Variants in DPP6 observed in about 807,000 individuals in gnomAD.
DPP6 encodes the protein dipeptidyl peptidase like 6.
In DPP6, 69 loss-of-function variants were observed where a neutral mutation model predicts 122.6. The observed-to-expected ratio is 0.56, with a 90% CI of 0.46 to 0.69. DPP6 has a LOEUF of 0.69. Among genes scored for constraint, DPP6 ranks in the 30% least tolerant of loss-of-function variants. DPP6 has a pLI of 0.00. For synonymous variants in DPP6, 418 were observed against 433.1 expected, an observed-to-expected ratio of 0.97 and a Z score of 0.43; for missense variants, 928 against 1,116.9, an observed-to-expected ratio of 0.83 and a Z score of 2.41.
At chr7:154,629,795 A>C (rs1009956638) in intron 5 of DPP6, among the ~76,000 whole-genome samples, 3 of 152,162 alleles carry the variant, frequency 2.0e-5, no homozygotes, top group African/African-American at 4.8e-5. Flanking sequence ...CCATCCTCAT[A>C]CATGCTCTAA....
chr7:154,031,687 G>T (rs1180548585), intron 1 of DPP6, among the ~76,000 whole-genome samples: 1 of 151,890 alleles, frequency 6.6e-6, no homozygotes, highest in Non-Finnish European at 1.5e-5. Flanking sequence ...TCATTCAGGG[G>T]CACGACCTAA....
intron 1 of DPP6, among the ~76,000 whole-genome samples, chr7:154,028,605 G>C (rs1585198935): frequency 1.3e-5 from 2 of 151,718 alleles, no homozygotes; most frequent in Admixed American, 1.3e-4. Flanking sequence ...TTGATAGAAA[G>C]GATCCCTGTG....
chr7:153,808,126 A>G, the DPP6 span, among the ~76,000 whole-genome samples: 10 of 152,160 alleles, frequency 6.6e-5, no homozygotes, highest in Admixed American at 2.6e-4. Context: ...TGATAAACAC[A>G]TTGTGAAATG....
intron 5 of DPP6, among the ~76,000 whole-genome samples, chr7:154,579,952 G>C (rs2130655400): frequency 6.6e-6 from 1 of 152,134 alleles, no homozygotes; most frequent in Admixed American, 6.5e-5. Flanking sequence ...AAAAGAGAGA[G>C]CACAGAAGAG....
At chr7:154,698,302 A>AG (rs1319736321) in intron 7 of DPP6, among the ~76,000 whole-genome samples, 10 of 152,100 alleles carry the variant, frequency 6.6e-5, no homozygotes, top group Non-Finnish European at 1.2e-4. Flanking sequence ...GACCATGTAT[A>AG]ATATTCCCTG....
intron 3 of DPP6, among the ~76,000 whole-genome samples, chr7:154,501,473 G>A (rs868593530): frequency 6.6e-6 from 1 of 152,272 alleles, no homozygotes; most frequent in Middle Eastern, 3.4e-3. Flanking sequence ...TGCAGCCTAG[G>A]GACTTGGTGC....
chr7:154,733,153 C>G (rs1372650596), intron 8 of DPP6, among the ~76,000 whole-genome samples: 1 of 152,260 alleles, frequency 6.6e-6, no homozygotes, highest in East Asian at 1.9e-4. Context: ...TAACTGCCAC[C>G]TTCACTGGGT....
Position 154,510,043 on chromosome 7 carries a change from G to A in DPP6, c.458-30489G>A, listed in dbSNP as rs143017763. 6.6e-3 allele frequency among the ~76,000 whole-genome samples: 1,011 copies of A among 152,238 alleles called. 11 individuals are homozygous for A. Among genetic ancestry groups the A allele is most frequent in the African/African-American group, 0.022 (915 of 41,534 alleles). ...GGTGGGTGCACATGTCTGTGAATAC[G>A]TTAAAGACCATTAAATTGTGCACTT... On this transcript the variant is annotated intron_variant, in intron 3 of 25. Coordinates refer to ENST00000377770, the MANE Select transcript of DPP6 (RefSeq NM_130797.4).
At chr7:153,854,221 A>C in the DPP6 span, among the ~76,000 whole-genome samples, 1 of 151,728 alleles carries the variant, frequency 6.6e-6, no homozygotes, top group Non-Finnish European at 1.5e-5. Flanking sequence ...GTTTTGGTAC[A>C]AGTACCATGC....
the DPP6 span, among the ~76,000 whole-genome samples, chr7:153,797,472 A>G: frequency 6.6e-6 from 1 of 152,228 alleles, no homozygotes; most frequent in East Asian, 1.9e-4. Context: ...AGACTGGACT[A>G]AAACAAGAAA....
chr7:154,031,512 A>G (rs1023275566), intron 1 of DPP6, among the ~76,000 whole-genome samples: 1 of 152,018 alleles, frequency 6.6e-6, no homozygotes, highest in African/African-American at 2.4e-5. Context: ...AGATATTCCC[A>G]TATCACAGTG....
the DPP6 span, among the ~76,000 whole-genome samples, chr7:153,766,288 G>A: frequency 2.0e-5 from 3 of 152,122 alleles, no homozygotes; most frequent in African/African-American, 2.4e-5. Context: ...CTGTGCTATC[G>A]ACTTTTGCTA....
chr7:154,072,858 T>C (rs1205115864), intron 1 of DPP6, among the ~76,000 whole-genome samples: 2 of 152,258 alleles, frequency 1.3e-5, no homozygotes, highest in Non-Finnish European at 2.9e-5. Context: ...AGGCCCTCAC[T>C]TAATGTGGTT....
chr7:154,236,101 C>T (rs1274282435), intron 1 of DPP6, among the ~76,000 whole-genome samples: 1 of 152,146 alleles, frequency 6.6e-6, no homozygotes, highest in East Asian at 1.9e-4. Flanking sequence ...GATCTGCCTG[C>T]CTTGGCCTCC....
intron 1 of DPP6, among the ~76,000 whole-genome samples, chr7:154,032,598 A>G (rs1188219456): frequency 2.0e-5 from 3 of 152,184 alleles, no homozygotes; most frequent in African/African-American, 7.2e-5. Context: ...ATATAAATAC[A>G]TTTTATTTTT....
intron 16 of DPP6, among the ~76,000 whole-genome samples, chr7:154,812,233 C>CAT (rs1340777632): frequency 6.6e-6 from 1 of 152,186 alleles, no homozygotes; most frequent in Admixed American, 6.5e-5. Context: ...ATAACTGTTT[C>CAT]ATATAGACTT....
At chr7:154,103,339 A>G (rs577704205) in intron 1 of DPP6, among the ~76,000 whole-genome samples, 1 of 152,304 alleles carries the variant, frequency 6.6e-6, no homozygotes, top group Admixed American at 6.5e-5. Flanking sequence ...CTTGTGGGAG[A>G]AAATCCTGCA....
At chr7:154,499,732 A>G (rs983754822) in intron 3 of DPP6, among the ~76,000 whole-genome samples, 1 of 152,046 alleles carries the variant, frequency 6.6e-6, no homozygotes, top group African/African-American at 2.4e-5. Context: ...TGTTTCCTCT[A>G]TATCCCCACC....
chr7:153,931,570 A>G (rs1801170969), intron 1 of DPP6, among the ~76,000 whole-genome samples: 1 of 27,206 alleles, frequency 3.7e-5, no homozygotes, highest in South Asian at 6.7e-4. Flanking sequence ...ATTTCATGGG[A>G]AAAAAACTAT....
Sources: allele counts gnomAD v4.1 joint callset (sites outside exome capture counted in the v4.1 genomes callset), GRCh38; gene constraint gnomAD v4.1.1; transcripts MANE v1.5; gene names NCBI Gene and HGNC (gene_info 2026-07-23, HGNC 2026-07-21).